VPS13C: variants seen among roughly 807,000 people sequenced by gnomAD.
VPS13C encodes vacuolar protein sorting 13 homolog C.
In VPS13C, 358 loss-of-function variants were observed where a neutral mutation model predicts 456.8. The observed-to-expected ratio is 0.78, with a 90% CI of 0.72 to 0.86. VPS13C has a LOEUF of 0.86. Ranked by LOEUF, VPS13C falls within the 40% of genes least tolerant of loss-of-function variation. The probability of loss-of-function intolerance (pLI) is 0.00; values close to 1 mark genes in which losing one functional copy is unlikely to be tolerated. For synonymous variants in VPS13C, 1,578 were observed against 1,486.7 expected (o/e 1.06, Z -1.41); for missense variants, 4,818 against 4,385.4 (o/e 1.10, Z -2.79).
chr15:61,954,275 T>C, intron 38 of VPS13C, 146 bp downstream of exon 38: 2 of 821,680 alleles, frequency 2.4e-6, no homozygotes, highest in East Asian at 3.0e-5. Flanking sequence ...TAACAAACTT[T>C]CAATTTTTAA....
intron 24 of VPS13C, among the ~76,000 whole-genome samples, chr15:61,976,612 T>C (rs1254840013): frequency 2.0e-5 from 3 of 152,176 alleles, no homozygotes; most frequent in East Asian, 3.9e-4. Flanking sequence ...GCAATATTTA[T>C]CAAACTGTAA....
chr15:62,037,353 T>C (rs2048080026), intron 3 of VPS13C, among the ~76,000 whole-genome samples: 1 of 87,890 alleles, frequency 1.1e-5, no homozygotes, highest in Non-Finnish European at 2.2e-5. Flanking sequence ...ATATATTATA[T>C]ATAAATGTAT....
chr15:61,882,801 T>A, intron 68 of VPS13C, 65 bp from the exon 69 acceptor site: 1 of 1,432,770 alleles, frequency 7.0e-7, no homozygotes, highest in Non-Finnish European at 9.2e-7. Context: ...CCATTTTTAA[T>A]ATCTGTTTAT....
intron 18 of VPS13C, among the ~76,000 whole-genome samples, chr15:61,990,332 T>C (rs2046185562): frequency 6.6e-6 from 1 of 152,154 alleles, no homozygotes; most frequent in South Asian, 2.1e-4. Flanking sequence ...TGATAATAAT[T>C]GCACACCTGT....
chr15:62,037,252 T>TTTATATATATATTATATTATATAATATA (rs2048046639), intron 3 of VPS13C, among the ~76,000 whole-genome samples: 1 of 22,226 alleles, frequency 4.5e-5, no homozygotes, highest in African/African-American at 1.8e-4. Context: ...ATATAATATA[T>TTTATATATATATTATATTATATAATATA]TTATATATAT....
At position 61,927,135 on chromosome 15, in the gene VPS13C, C is replaced by A; in HGVS notation, c.6472G>T (p.Ala2158Ser). Residue 2158 changes from alanine (A) to serine (S), a missense_variant, in exon 52 of 85, where the codon GCT (alanine) becomes TCT (serine). Around this residue, in one of 3 missense-constraint regions of VPS13C, gnomAD observed 4,552 missense variants for 4,130.6 expected, o/e 1.10. Coordinates refer to ENST00000644861, the MANE Select transcript of VPS13C (RefSeq NM_020821.3). ...EASVRDLKVL[A>S]CPFLREKRGK... Reference sequence around the variant, plus strand: ...CTCTTTTCTCTGAGAAAAGGGCAAGCGAGCACTTTCAGATCTCTCACAGAA... The same window carrying A: ...CTCTTTTCTCTGAGAAAAGGGCAAGAGAGCACTTTCAGATCTCTCACAGAA... 6.2e-7 allele frequency: 1 copy of A among 1,614,168 alleles called. No homozygotes were observed.
intron 15 of VPS13C, among the ~76,000 whole-genome samples, chr15:62,002,659 C>T (rs1365761280): frequency 6.6e-6 from 1 of 151,300 alleles, no homozygotes. Flanking sequence ...TTAGGTCTAA[C>T]GTTTAAGTCT....
At position 61,917,682 on chromosome 15, in the gene VPS13C, A is replaced by T. The variant is rs533464523; in HGVS notation, c.7761-47T>A. 45 of 1,545,748 alleles carry T rather than the reference A, an allele frequency of 2.9e-5. No homozygotes were observed. The East Asian group carries it at 7.0e-4, about 24-fold the overall frequency. On this transcript the variant is annotated intron_variant, in intron 59 of 84. Transcript: ENST00000644861. ...ACAATAAAGTTTTGATCCACAACTT[A>T]AAAAAAAGCATCTCATTAAATCTTC...
intron 3 of VPS13C, among the ~76,000 whole-genome samples, chr15:62,037,080 G>A (rs1193201335): frequency 6.8e-6 from 1 of 146,184 alleles, no homozygotes; most frequent in East Asian, 2.0e-4. Context: ...TAACAGTGAA[G>A]GAAGCCATTA....
intron 12 of VPS13C, among the ~76,000 whole-genome samples, chr15:62,011,300 A>C (rs1279224971): frequency 6.6e-6 from 1 of 152,100 alleles, no homozygotes; most frequent in East Asian, 1.9e-4. Flanking sequence ...CTAGTTATAA[A>C]TGGAAAATGC....
At chr15:62,002,571 G>C in intron 15 of VPS13C, among the ~76,000 whole-genome samples, 1 of 152,162 alleles carries the variant, frequency 6.6e-6, no homozygotes, top group Non-Finnish European at 1.5e-5. Context: ...TGCTTTTGGT[G>C]TTTTAGACAT....
intron 66 of VPS13C, among the ~76,000 whole-genome samples, chr15:61,891,320 GA>G (rs145888929): frequency 2.0e-5 from 3 of 148,832 alleles, no homozygotes; most frequent in South Asian, 4.3e-4. Context: ...TTCCAGGGGA[GA>G]AAAAAAAACA....
intron 35 of VPS13C, among the ~76,000 whole-genome samples, chr15:61,961,079 T>A (rs555330246): frequency 1.3e-5 from 2 of 150,794 alleles, no homozygotes; most frequent in Non-Finnish European, 2.9e-5. Flanking sequence ...AGACTTCATC[T>A]CAAAACACAA....
Position 62,035,007 on chromosome 15 carries a change from G to C in VPS13C, c.233C>G (p.Ala78Gly), listed in dbSNP as rs747967361. The change falls in exon 4 of 85, where the codon GCA becomes GGA. Residue 78 changes from alanine (A) to glycine (G), a missense_variant. Physicochemically the swap from Ala to Gly is moderately conservative, Grantham distance 60. Coordinates refer to ENST00000644861, the MANE Select transcript of VPS13C (RefSeq NM_020821.3). ...TAATCCTTCCAGGGTCGCAACAACT[G>C]CTTCTCCATAAAGGTTCTTCCAAGG... ...KIPWKNLYGE[A>G]VVATLEGLYL... 1.2e-6 allele frequency: 2 copies of C among 1,603,996 alleles called. No individual in the cohort carries two copies. Among genetic ancestry groups the C allele is most frequent in the Non-Finnish European group, 1.7e-6 (2 of 1,174,258 alleles).
chr15:61,931,951 AG>A (rs1188135873), intron 49 of VPS13C, among the ~76,000 whole-genome samples: 1 of 152,202 alleles, frequency 6.6e-6, no homozygotes, highest in Non-Finnish European at 1.5e-5. Context: ...TACAAGAAAG[AG>A]TAAGGCATGG....
At chr15:61,994,193 A>G (rs773227948) in intron 16 of VPS13C, among the ~76,000 whole-genome samples, 15 of 152,172 alleles carry the variant, frequency 9.9e-5, no homozygotes, top group Non-Finnish European at 2.9e-5. Flanking sequence ...TGTTAGATAG[A>G]TCAAATTGCC....
At chr15:61,978,825 T>A (rs982850489) in intron 22 of VPS13C, 76 bp from the exon 23 acceptor site, 14 of 1,448,040 alleles carry the variant, frequency 9.7e-6, no homozygotes, top group Non-Finnish European at 7.3e-6. Flanking sequence ...TAGTTAGGTT[T>A]CAGTCTTGCA....
chr15:61,872,075 G>T, intron 78 of VPS13C, 41 bp from the exon 79 acceptor site: 1 of 1,582,880 alleles, frequency 6.3e-7, no homozygotes, highest in Non-Finnish European at 8.6e-7. Flanking sequence ...CTGAATGGAA[G>T]GTGTTTAATT....
At chr15:61,881,011 T>A (rs1284662255) in intron 71 of VPS13C, 57 bp from the exon 72 acceptor site, 4 of 1,409,500 alleles carry the variant, frequency 2.8e-6, no homozygotes, top group Admixed American at 4.3e-5. Context: ...TAATTTTCAA[T>A]GTTAAAACTT....
Sources: allele counts gnomAD v4.1 joint callset (sites outside exome capture counted in the v4.1 genomes callset), GRCh38; gene constraint gnomAD v4.1.1; regional missense constraint gnomAD v4.1.1; transcripts MANE v1.5; gene names NCBI Gene and HGNC (gene_info 2026-07-23, HGNC 2026-07-21).